C1orf94: variants seen among roughly 807,000 people sequenced by gnomAD.
The protein encoded by C1orf94 is uncharacterized protein C1orf94.
C1orf94 carries 45 observed loss-of-function variants against 53.6 expected under a neutral mutation model. The observed-to-expected ratio is 0.84, with a 90% CI of 0.66 to 1.08. The LOEUF (loss-of-function observed/expected upper bound fraction) is 1.08. Ranked by LOEUF, C1orf94 falls within the 50% of genes least tolerant of loss-of-function variation. The pLI is 0.00. For missense variants in C1orf94, 762 were observed against 738.9 expected (o/e 1.03, Z -0.36); for synonymous variants, 304 against 296.1 (o/e 1.03, Z -0.27).
intron 3 of C1orf94, among the ~76,000 whole-genome samples, chr1:34,201,321 G>A (rs1446769671): frequency 1.3e-5 from 2 of 152,126 alleles, no homozygotes; most frequent in African/African-American, 4.8e-5. Context: ...AATTGCCCAA[G>A]CCAAAACAAA....
chr1:34,214,343 C>G (rs1642947679), intron 6 of C1orf94, among the ~76,000 whole-genome samples: 1 of 152,152 alleles, frequency 6.6e-6, no homozygotes, highest in Non-Finnish European at 1.5e-5. Context: ...GAGGTTGAGA[C>G]TAGATTATGA....
At chr1:34,212,692 AG>A (rs1347820705) in intron 6 of C1orf94, among the ~76,000 whole-genome samples, 1 of 152,176 alleles carries the variant, frequency 6.6e-6, no homozygotes, top group African/African-American at 2.4e-5. Context: ...CTCCATAGGC[AG>A]GGGCAGTTGG....
At chr1:34,202,042 G>A (rs1192982912) in intron 3 of C1orf94, 42 bp from the exon 4 acceptor site, 13 of 1,597,598 alleles carry the variant, frequency 8.1e-6, no homozygotes, top group Middle Eastern at 1.7e-4. Flanking sequence ...GCCTCTCCCT[G>A]CCTCCATCAC....
At chr1:34,203,359 T>C (rs1171712932) in intron 4 of C1orf94, among the ~76,000 whole-genome samples, 1 of 152,152 alleles carries the variant, frequency 6.6e-6, no homozygotes, top group African/African-American at 2.4e-5. Flanking sequence ...ACTCCCCGCC[T>C]CATGTGATCC....
At chr1:34,212,449 T>C in intron 6 of C1orf94, 43 bp downstream of exon 6, 4 of 1,565,180 alleles carry the variant, frequency 2.6e-6, no homozygotes, top group Non-Finnish European at 3.5e-6. Context: ...TCCAGAAAGC[T>C]GGTGGGAACG....
At chr1:34,203,124 A>T (rs1055956554) in intron 4 of C1orf94, among the ~76,000 whole-genome samples, 2 of 152,030 alleles carry the variant, frequency 1.3e-5, no homozygotes, top group African/African-American at 4.8e-5. Context: ...ATCAGGGACT[A>T]GATCATCCTC....
chr1:34,176,744 C>T (rs1413809550), upstream of C1orf94, among the ~76,000 whole-genome samples: 2 of 152,172 alleles, frequency 1.3e-5, no homozygotes, highest in Non-Finnish European at 2.9e-5. Flanking sequence ...TCGAGGTTGC[C>T]GGGGGACCCC....
chr1:34,217,187 C>T (rs1428525240), intron 6 of C1orf94, among the ~76,000 whole-genome samples: 1 of 152,206 alleles, frequency 6.6e-6, no homozygotes, highest in East Asian at 1.9e-4. Flanking sequence ...TCAAGCTCCT[C>T]CTCCTCCAGG....
intron 1 of C1orf94, among the ~76,000 whole-genome samples, chr1:34,167,721 A>G (rs1001465547): frequency 6.6e-6 from 1 of 152,142 alleles, no homozygotes; most frequent in Non-Finnish European, 1.5e-5. Context: ...ACCCACACGT[A>G]ACTGATACCG....
intron 2 of C1orf94, among the ~76,000 whole-genome samples, chr1:34,199,928 A>G (rs982382194): frequency 6.6e-6 from 1 of 152,210 alleles, no homozygotes; most frequent in African/African-American, 2.4e-5. Context: ...TCCTTCTGGA[A>G]GGAACCTTCT....
chr1:34,202,852 G>A (rs911114779), intron 4 of C1orf94, among the ~76,000 whole-genome samples: 1 of 151,974 alleles, frequency 6.6e-6, no homozygotes, highest in Non-Finnish European at 1.5e-5. Flanking sequence ...AACCAATCTT[G>A]GATGGAAACT....
chr1:34,201,782 T>C (rs1047624815), intron 3 of C1orf94, among the ~76,000 whole-genome samples: 1 of 152,230 alleles, frequency 6.6e-6, no homozygotes, highest in East Asian at 1.9e-4. Flanking sequence ...AGGTGAAATA[T>C]AGGCCTAGCA....
chr1:34,183,795 G>T (rs376848149), intron 1 of C1orf94, among the ~76,000 whole-genome samples: 34 of 151,844 alleles, frequency 2.2e-4, no homozygotes, highest in African/African-American at 7.7e-4. Context: ...GGCAGAGGTT[G>T]CAGTGAGCCG....
At chr1:34,209,110 T>A (rs1642849036) in intron 5 of C1orf94, among the ~76,000 whole-genome samples, 1 of 152,182 alleles carries the variant, frequency 6.6e-6, no homozygotes, top group Non-Finnish European at 1.5e-5. Flanking sequence ...TGTATTTTTA[T>A]TTGCTAAATC....
intron 5 of C1orf94, among the ~76,000 whole-genome samples, chr1:34,209,509 A>C (rs297800): frequency 0.33 from 50,008 of 151,948 alleles, 9,438 homozygotes; most frequent in African/African-American, 0.52. Flanking sequence ...CTGCCATAGC[A>C]CCAGGCTGGC....
chr1:34,171,232 C>G (rs1435671470), intron 1 of C1orf94, among the ~76,000 whole-genome samples: 1 of 152,178 alleles, frequency 6.6e-6, no homozygotes, highest in African/African-American at 2.4e-5. Context: ...CCCTTGCACT[C>G]TTGCAATGAG....
At chr1:34,174,287 T>C (rs1642188990), upstream of C1orf94, among the ~76,000 whole-genome samples, 1 of 152,234 alleles carries the variant, frequency 6.6e-6, no homozygotes, top group Non-Finnish European at 1.5e-5. Context: ...AGCAAACAAC[T>C]GTATAACACG....
chr1:34,167,162 T>C (rs1642046756), exon 1 of C1orf94: 1 of 152,454 alleles, frequency 6.6e-6, no homozygotes, highest in Non-Finnish European at 1.5e-5. Flanking sequence ...AGGGACTGAC[T>C]ACGCCAGCAG....
chr1:34,187,463 T>C lies in C1orf94; in HGVS notation c.320+9354T>C, dbSNP rs551744413. 1.3e-4 allele frequency among the ~76,000 whole-genome samples: 20 copies of C among 152,232 alleles called. No individual in the cohort carries two copies. The East Asian group carries it at 3.5e-3, about 26-fold the overall frequency. ...TGTCCCCCTTTGTAATTTAATTTTA[T>C]GGTTTCGGGAGCTGTGTCGCAGGTT... is the stretch of plus-strand genomic sequence containing the variant. On this transcript the variant is annotated intron_variant, in intron 1 of 6. Transcript: ENST00000488417.
Sources: allele counts gnomAD v4.1 joint callset (sites outside exome capture counted in the v4.1 genomes callset), GRCh38; gene constraint gnomAD v4.1.1; transcripts MANE v1.5; gene names NCBI Gene and HGNC (gene_info 2026-07-23, HGNC 2026-07-21).